TRPC3: variants seen among roughly 807,000 people sequenced by gnomAD.
TRPC3 encodes short transient receptor potential channel 3.
In TRPC3, 54 loss-of-function variants were observed where a neutral mutation model predicts 90.9. The ratio of observed to expected loss-of-function variants is 0.59; its 90% CI spans 0.48 to 0.75. The LOEUF (loss-of-function observed/expected upper bound fraction) is 0.75, where lower values mean the gene tolerates loss of function less well. Ranked by LOEUF, TRPC3 falls within the 30% of genes least tolerant of loss-of-function variation. TRPC3 has a pLI of 0.00. For synonymous variants in TRPC3, 424 were observed against 450.9 expected (o/e 0.94, Z 0.75); for missense variants, 918 against 1,194.5 (o/e 0.77, Z 3.41).
At chr4:121,891,236 C>T (rs1331724584) in intron 10 of TRPC3, among the ~76,000 whole-genome samples, 1 of 152,052 alleles carries the variant, frequency 6.6e-6, no homozygotes, top group Non-Finnish European at 1.5e-5. Flanking sequence ...AAATTATAAC[C>T]TAAGTATATT....
intron 1 of TRPC3, among the ~76,000 whole-genome samples, chr4:121,943,858 C>T (rs1730401635): frequency 6.6e-6 from 1 of 151,970 alleles, no homozygotes; most frequent in Admixed American, 6.6e-5. Flanking sequence ...TTTAAAAAGA[C>T]CTAGGACCAA....
In TRPC3 at chr4:121,951,542, GC is replaced by G; in HGVS notation, c.138del (p.Leu47TrpfsTer34). 2.8e-6 allele frequency: 4 copies of G among 1,419,992 alleles called. No individual in the cohort carries two copies. Among genetic ancestry groups the G allele is most frequent in the Non-Finnish European group, 3.7e-6 (4 of 1,084,610 alleles). The allele number at this position is 1,419,992 out of a possible 1,614,324, so 88.0% of individuals were successfully genotyped here. A position where few individuals can be genotyped will look rare whatever the true frequency, so the allele number is the denominator to read the frequency against. ...TGCGAGGGCGCCGAGCGCGGCTCCA[GC>G]CCCCCGTTGACGCCCCTCCAGCCCC... ...RRRGWRGVNGGLEPRSAPSQR... is the reference protein window; with the variant it reads ...RRRGWRGVNGXLEPRSAPSQR... On this transcript the variant is annotated frameshift_variant, in exon 1 of 12. Transcript: ENST00000379645. LOFTEE classifies it high-confidence loss of function. This position sits in a 1 kb window ranked among gnomAD's most constrained non-coding sequence, Gnocchi z 4.4.
In TRPC3 at chr4:121,925,420, G is replaced by A. The variant is rs753210158; in HGVS notation, c.988-214C>T. On this transcript the variant is annotated intron_variant, in intron 2 of 11. Coordinates refer to ENST00000379645, the MANE Select transcript of TRPC3 (RefSeq NM_001130698.2). ...TCTGCTGCAACCAGCCCAACCATCC[G>A]AGATATTTCTGAAAATGGCATGATT... Among the ~76,000 whole-genome samples the A allele has an allele frequency of 5.3e-5, 8 of 151,962 alleles. No individual in the cohort carries two copies. The South Asian group carries it at 8.3e-4, about 16-fold the overall frequency.
At chr4:121,947,015 G>A (rs573622930) in intron 1 of TRPC3, among the ~76,000 whole-genome samples, 29 of 151,142 alleles carry the variant, frequency 1.9e-4, no homozygotes, top group Admixed American at 5.3e-4. Flanking sequence ...AGACCTCATC[G>A]ATACAAAAAA....
intron 3 of TRPC3, among the ~76,000 whole-genome samples, chr4:121,917,059 C>T (rs966794200): frequency 3.3e-5 from 5 of 152,130 alleles, no homozygotes; most frequent in Non-Finnish European, 5.9e-5. Flanking sequence ...GCCTATGGTA[C>T]TTAGTTACAG....
In TRPC3 at chr4:121,875,308, T is replaced by C. The variant is rs1480111323; in HGVS notation, c.*4428A>G. ...ATAGCATCAAAACAATACAAAAAGT[T>C]TGCATAATATGATATTTGGAATTCT... On this transcript the variant is annotated 3_prime_UTR_variant, in exon 12 of 12. Transcript: ENST00000379645. Among the ~76,000 whole-genome samples, 2 of 152,192 alleles carry C rather than the reference T, an allele frequency of 1.3e-5. No homozygotes were observed. The highest frequency in any genetic ancestry group is 4.8e-5 in the African/African-American group (2 of 41,444).
intron 1 of TRPC3, chr4:121,933,381 C>A: frequency 5.1e-6 from 1 of 195,744 alleles, no homozygotes; most frequent in Non-Finnish European, 1.0e-5. Context: ...ACCTTCCGCT[C>A]TTAAAAGTCT....
At chr4:121,902,298 T>A (rs987218710) in intron 9 of TRPC3, among the ~76,000 whole-genome samples, 1 of 152,212 alleles carries the variant, frequency 6.6e-6, no homozygotes, top group Middle Eastern at 3.2e-3. Flanking sequence ...ATTATCTTCT[T>A]TGTTAAACTA....
At chr4:121,939,049 CT>C (rs1167756439) in intron 1 of TRPC3, among the ~76,000 whole-genome samples, 1 of 152,152 alleles carries the variant, frequency 6.6e-6, no homozygotes, top group East Asian at 1.9e-4. Flanking sequence ...TCAAGGGGTA[CT>C]CCCGTACTAT....
chr4:121,874,530 G>A lies in TRPC3; in HGVS notation c.*5206C>T, dbSNP rs977417762. On this transcript the variant is annotated 3_prime_UTR_variant, in exon 12 of 12. Transcript: ENST00000379645. ...TTTCTCACAGTCTTGGAGTCTAGAA[G>A]TCATAGATCAAGGTGTCAGCAGGGA... Among the ~76,000 whole-genome samples the A allele has an allele frequency of 6.6e-6, 1 of 152,158 alleles. No homozygotes were observed. Among genetic ancestry groups the A allele is most frequent in the Non-Finnish European group, 1.5e-5 (1 of 68,018 alleles).
Position 121,912,026 on chromosome 4 carries a change from A to G in TRPC3, c.1409T>C (p.Leu470Pro). 2 of 1,613,962 alleles carry G rather than the reference A, an allele frequency of 1.2e-6. No homozygotes were observed. The highest frequency in any genetic ancestry group is 1.7e-6 in the Non-Finnish European group (2 of 1,179,874). The change falls in exon 5 of 12, where the codon CTG (leucine) becomes CCG (proline). Residue 470 changes from leucine to proline, a missense_variant. Leu to Pro is a moderately conservative substitution (Grantham distance 98, BLOSUM62 -3). Around this residue, in one of 4 missense-constraint regions of TRPC3, gnomAD observed 609 missense variants for 725.9 expected, o/e 0.84. Transcript: ENST00000379645. ...TGAGGCATTGAACACAAGCAGACCC[A>G]GGAAGATGATGAAAGAAGCTGCATG... ...VAHAASFIIF[L>P]GLLVFNASDR...
Position 121,910,348 on chromosome 4 carries a change from C to T in TRPC3, c.1598G>A (p.Gly533Glu). The change falls in exon 6 of 12, where the codon GGA (glycine) becomes GAA (glutamate). Residue 533 changes from glycine to glutamate, a missense_variant. This residue lies in a region of TRPC3 where 147 missense variants were observed against 263.5 expected (regional missense o/e 0.56). Coordinates refer to ENST00000379645, the MANE Select transcript of TRPC3 (RefSeq NM_001130698.2). ...CAACTGCAAAATGTATTCCCTAGGT[C>T]CTTCCAGCCAGAGCTCTTTACATTC... ...WSECKELWLE[G>E]PREYILQLWN... 6.2e-7 allele frequency: 1 copy of T among 1,613,734 alleles called. No individual in the cohort carries two copies. The highest frequency in any genetic ancestry group is 1.3e-5 in the African/African-American group (1 of 75,010).
At chr4:121,897,171 C>CTGAAA (rs1409319920) in intron 10 of TRPC3, among the ~76,000 whole-genome samples, 1 of 151,632 alleles carries the variant, frequency 6.6e-6, no homozygotes, top group Non-Finnish European at 1.5e-5. Context: ...AATGTAAGAC[C>CTGAAA]TGAAATGATA....
intron 10 of TRPC3, among the ~76,000 whole-genome samples, chr4:121,886,396 A>T (rs1482282448): frequency 6.6e-6 from 1 of 152,190 alleles, no homozygotes; most frequent in East Asian, 1.9e-4. Context: ...AGAAGTACAG[A>T]GTAAAATTTT....
intron 3 of TRPC3, among the ~76,000 whole-genome samples, chr4:121,919,672 A>C (rs768044280): frequency 8.5e-5 from 13 of 152,222 alleles, no homozygotes; most frequent in Admixed American, 1.3e-4. Context: ...TTTGCACAGA[A>C]AGTGGATACA....
rs1729042727 is a variant in TRPC3 at position 121,910,521 on chromosome 4, G to A, written c.1559-134C>T. On this transcript the variant is annotated intron_variant, in intron 5 of 11. Coordinates refer to ENST00000379645, the MANE Select transcript of TRPC3 (RefSeq NM_001130698.2). ...TACTAGGCATCACAAAGCATTGACT[G>A]ACTGACTGTATGGTCACTGAGGCCC... 34 of 694,782 alleles carry A rather than the reference G, an allele frequency of 4.9e-5. No individual in the cohort carries two copies. In the South Asian group the frequency reaches 6.0e-4, roughly 12 times the overall value. 43.0% of individuals were successfully genotyped at this position (694,782 alleles called of 1,614,324 possible). A position where few individuals can be genotyped will look rare whatever the true frequency, so the allele number is the denominator to read the frequency against.
rs372601186 is a variant in TRPC3 at position 121,878,494 on chromosome 4, CT to C, written c.*1241del. Among the ~76,000 whole-genome samples the C allele has an allele frequency of 1.1e-3, 166 of 152,254 alleles. 1 individual carries two copies. The highest frequency in any genetic ancestry group is 3.8e-3 in the African/African-American group (158 of 41,534). On this transcript the variant is annotated 3_prime_UTR_variant, in exon 12 of 12. Transcript: ENST00000379645. Reference sequence around the variant, plus strand: ...ACATAACTCTATGAGAGATTTAAACCTAGCTGGTTAAAAAATGCTTTGAGTG... The same window carrying C: ...ACATAACTCTATGAGAGATTTAAACCAGCTGGTTAAAAAATGCTTTGAGTG...
At chr4:121,905,671 A>C (rs1011770211) in intron 7 of TRPC3, among the ~76,000 whole-genome samples, 22 of 152,136 alleles carry the variant, frequency 1.4e-4, no homozygotes, top group African/African-American at 4.8e-4. Flanking sequence ...AGTACGTTTT[A>C]AGTTTCTTAT....
chr4:121,878,594 C>A lies in TRPC3; in HGVS notation c.*1142G>T, dbSNP rs560082690. On this transcript the variant is annotated 3_prime_UTR_variant, in exon 12 of 12. Coordinates refer to ENST00000379645, the MANE Select transcript of TRPC3 (RefSeq NM_001130698.2). The stretch of plus-strand genomic sequence containing the variant: ...TTCCCATTAAAGTCAAGAGGCATTG[C>A]GGATATTACCAGCATTCAGCACAAT... Among the ~76,000 whole-genome samples the A allele has an allele frequency of 6.6e-6, 1 of 152,066 alleles. No homozygotes were observed. Among genetic ancestry groups the A allele is most frequent in the Non-Finnish European group, 1.5e-5 (1 of 68,026 alleles).
Sources: gnomAD v4.1 joint callset for allele counts (sites outside exome capture counted in the v4.1 genomes callset) on GRCh38, gnomAD v4.1.1 for gene constraint, gnomAD v4.1.1 regional missense constraint, Gnocchi (gnomAD v3.1) non-coding constraint, MANE v1.5 for transcripts, NCBI Gene and HGNC (gene_info 2026-07-23, HGNC 2026-07-21) for gene names.